The following MTUS2 variants were observed in gnomAD, a reference collection of about 807,000 sequenced individuals.
MTUS2 encodes the protein microtubule-associated tumor suppressor candidate 2.
A neutral mutation model predicts 114.1 loss-of-function variants in MTUS2; 40 were observed. The observed-to-expected ratio is 0.35, with a 90% CI of 0.27 to 0.46. The LOEUF is 0.46. MTUS2 is among the 20% of genes least tolerant of loss of function. MTUS2 has a pLI of 1.00. For synonymous variants in MTUS2, 688 were observed against 672.0 expected (o/e 1.02, Z -0.37); for missense variants, 1,679 against 1,705.4 (o/e 0.98, Z 0.27).
At chr13:29,046,947 A>G (rs953720086) in intron 4 of MTUS2, among the ~76,000 whole-genome samples, 8 of 152,144 alleles carry the variant, frequency 5.3e-5, no homozygotes, top group Admixed American at 4.6e-4. Context: ...AGATTGTATG[A>G]CCTGACCCCA....
chr13:29,272,011 G>A (rs188310792), intron 5 of MTUS2, among the ~76,000 whole-genome samples: 73 of 152,048 alleles, frequency 4.8e-4, no homozygotes, highest in East Asian at 1.7e-3. Context: ...CATATCTAAC[G>A]TTTTCTCTGT....
intron 6 of MTUS2, among the ~76,000 whole-genome samples, chr13:29,321,212 G>A (rs1013275621): frequency 5.9e-5 from 9 of 152,044 alleles, no homozygotes; most frequent in African/African-American, 2.2e-4. Flanking sequence ...AGACTGGACA[G>A]GAGAAGGCTG....
At chr13:28,953,894 C>A (rs1882931662) in intron 2 of MTUS2, among the ~76,000 whole-genome samples, 1 of 152,058 alleles carries the variant, frequency 6.6e-6, no homozygotes, top group East Asian at 1.9e-4. Context: ...TTATTTGAGT[C>A]CCAAAAACAT....
chr13:29,235,075 A>C (rs531841860), intron 5 of MTUS2, among the ~76,000 whole-genome samples: 15 of 144,716 alleles, frequency 1.0e-4, no homozygotes, highest in African/African-American at 4.0e-4. Context: ...TAATTTTTCA[A>C]ATTTAATTTA....
chr13:29,450,560 C>T (rs915894801), intron 9 of MTUS2, among the ~76,000 whole-genome samples: 2 of 152,032 alleles, frequency 1.3e-5, no homozygotes, highest in Non-Finnish European at 2.9e-5. Context: ...AATAACGAAC[C>T]TTGGGATCAC....
intron 2 of MTUS2, among the ~76,000 whole-genome samples, chr13:28,887,806 C>T (rs1878679912): frequency 6.6e-6 from 1 of 152,184 alleles, no homozygotes; most frequent in Non-Finnish European, 1.5e-5. Flanking sequence ...TTCCCTTGAT[C>T]TCAGCTATCC....
At chr13:28,865,079 C>A (rs1342210710) in intron 2 of MTUS2, among the ~76,000 whole-genome samples, 1 of 151,882 alleles carries the variant, frequency 6.6e-6, no homozygotes, top group East Asian at 1.9e-4. Flanking sequence ...GTGTGTGTGT[C>A]TATGTGTGTG....
chr13:29,414,993 G>A (rs1593418750), intron 8 of MTUS2, among the ~76,000 whole-genome samples: 1 of 147,018 alleles, frequency 6.8e-6, no homozygotes, highest in Admixed American at 6.7e-5. Flanking sequence ...GGGTTTTTTT[G>A]GTTTGGTTTT....
At chr13:29,376,118 C>G (rs992918804) in intron 8 of MTUS2, among the ~76,000 whole-genome samples, 10 of 151,652 alleles carry the variant, frequency 6.6e-5, no homozygotes, top group Non-Finnish European at 1.5e-4. Flanking sequence ...CTTAGAATAA[C>G]AAGAATGAAG....
intron 8 of MTUS2, among the ~76,000 whole-genome samples, chr13:29,386,923 C>A (rs1021866655): frequency 2.6e-5 from 4 of 152,168 alleles, no homozygotes; most frequent in African/African-American, 9.7e-5. Flanking sequence ...AAAGGCAATT[C>A]CTCCAGCCTC....
intron 5 of MTUS2, among the ~76,000 whole-genome samples, chr13:29,124,165 G>C (rs2138922632): frequency 6.6e-6 from 1 of 152,266 alleles, no homozygotes; most frequent in East Asian, 1.9e-4. Flanking sequence ...TCTATTTTAG[G>C]ACTAGGCATG....
At chr13:28,830,144 A>G (rs867988684) in intron 1 of MTUS2, among the ~76,000 whole-genome samples, 1 of 152,232 alleles carries the variant, frequency 6.6e-6, no homozygotes, top group African/African-American at 2.4e-5. Flanking sequence ...GGAAATAGCA[A>G]TAGAAACAAT....
intron 4 of MTUS2, among the ~76,000 whole-genome samples, chr13:29,064,273 G>A (rs1388364303): frequency 6.6e-6 from 1 of 151,988 alleles, no homozygotes. Context: ...TTTAGGAAAC[G>A]GGCCAGTTTT....
chr13:29,487,106 C>T (rs1164762331), intron 10 of MTUS2, among the ~76,000 whole-genome samples: 1 of 152,168 alleles, frequency 6.6e-6, no homozygotes, highest in East Asian at 1.9e-4. Flanking sequence ...AGGCAGCAGC[C>T]CTTCCCAGGA....
At chr13:29,178,415 A>G (rs1041418412) in intron 5 of MTUS2, among the ~76,000 whole-genome samples, 4 of 152,132 alleles carry the variant, frequency 2.6e-5, no homozygotes, top group African/African-American at 4.8e-5. Context: ...GAGATATTCT[A>G]TGAATTGCAG....
Position 29,100,812 on chromosome 13 carries a change from C to G in MTUS2, c.2486C>G (p.Ser829Cys), listed in dbSNP as rs1890379692. The G allele has an allele frequency of 1.3e-6, 2 of 1,551,512 alleles. No individual in the cohort carries two copies. The highest frequency in any genetic ancestry group is 2.0e-5 in the Admixed American group (1 of 50,964). ...KKASSSNAAK[S>C]NLPKSGLRPP... ...GCTTCCAGTTCAAATGCTGCAAAAT[C>G]CAATCTCCCGAAATCTGGTCTCCGT... is the stretch of plus-strand genomic sequence containing the variant. Residue 829 changes from serine to cysteine, a missense_variant, in exon 5 of 16, where the codon TCC (serine) becomes TGC (cysteine). Physicochemically the swap from Ser to Cys is moderately radical, Grantham distance 112. This residue lies in a region of MTUS2 where 822 missense variants were observed against 899.7 expected (regional missense o/e 0.91). Transcript: ENST00000612955.
At chr13:29,316,345 G>A (rs1244750334) in intron 6 of MTUS2, among the ~76,000 whole-genome samples, 2 of 152,146 alleles carry the variant, frequency 1.3e-5, no homozygotes, top group Non-Finnish European at 2.9e-5. Context: ...AAAGGAAGAA[G>A]GAGTTCCACA....
intron 1 of MTUS2, among the ~76,000 whole-genome samples, chr13:28,832,099 AGAT>A (rs1874728841): frequency 6.6e-6 from 1 of 152,176 alleles, no homozygotes; most frequent in African/African-American, 2.4e-5. Flanking sequence ...TTGAAACAGA[AGAT>A]CTTATTTTCT....
At chr13:28,952,109 T>A (rs1882839054) in intron 2 of MTUS2, among the ~76,000 whole-genome samples, 1 of 152,198 alleles carries the variant, frequency 6.6e-6, no homozygotes. Context: ...TTTCTCCTTT[T>A]CTAAAAAAGA....
Sources: allele counts gnomAD v4.1 joint callset (sites outside exome capture counted in the v4.1 genomes callset), GRCh38; gene constraint gnomAD v4.1.1; regional missense constraint gnomAD v4.1.1; transcripts MANE v1.5; gene names NCBI Gene and HGNC (gene_info 2026-07-23, HGNC 2026-07-21).